Variants in KDM3B observed in about 807,000 individuals in gnomAD.
The protein encoded by KDM3B is lysine demethylase 3B, also known as lysine-specific demethylase 3B.
A neutral mutation model predicts 170.0 loss-of-function variants in KDM3B; 10 were observed. The ratio of observed to expected loss-of-function variants is 0.06; its 90% confidence interval spans 0.04 to 0.10. The LOEUF (loss-of-function observed/expected upper bound fraction) is 0.10, where lower values mean the gene tolerates loss of function less well. Ranked by LOEUF, KDM3B falls within the 10% of genes least tolerant of loss-of-function variation. The pLI, the probability that KDM3B is intolerant of heterozygous loss-of-function variation, is 1.00. For synonymous variants in KDM3B, 831 were observed against 834.8 expected (o/e 1.00, Z 0.08); for missense variants, 1,394 against 2,195.2 (o/e 0.64, Z 7.29).
At chr5:138,408,422 A>G (rs919546691) in intron 11 of KDM3B, among the ~76,000 whole-genome samples, 2 of 151,002 alleles carry the variant, frequency 1.3e-5, no homozygotes, top group South Asian at 4.2e-4. Flanking sequence ...TTGAATTTGT[A>G]GTTTCAAAAA....
chr5:138,401,069 G>A (rs1200220611), intron 11 of KDM3B, among the ~76,000 whole-genome samples: 1 of 151,878 alleles, frequency 6.6e-6, no homozygotes, highest in Non-Finnish European at 1.5e-5. Context: ...TCAGGAGTTC[G>A]AGACCAGCCT....
At chr5:138,368,696 G>T (rs1366661670) in intron 1 of KDM3B, among the ~76,000 whole-genome samples, 1 of 151,970 alleles carries the variant, frequency 6.6e-6, no homozygotes, top group Non-Finnish European at 1.5e-5. Context: ...ATTCCATATT[G>T]CTCTCAAAAC....
intron 23 of KDM3B, among the ~76,000 whole-genome samples, chr5:138,432,441 G>A (rs1176862175): frequency 3.3e-5 from 5 of 152,074 alleles, no homozygotes; most frequent in Non-Finnish European, 5.9e-5. Flanking sequence ...AGGGCTGGGC[G>A]GGTGGATCAT....
chr5:138,393,165 C>T lies in KDM3B; in HGVS notation c.2630-6C>T, dbSNP rs747775353. On this transcript the variant is annotated splice_polypyrimidine_tract_variant and splice_region_variant and intron_variant, in intron 8 of 23. Transcript: ENST00000314358. Reference sequence around the variant, plus strand: ...ACAAACTTTTCTTCTCTCCCCCTTGCCACAGTTGGCCAGTCAGTGCTGAAA... The same window carrying T: ...ACAAACTTTTCTTCTCTCCCCCTTGTCACAGTTGGCCAGTCAGTGCTGAAA... 2.5e-6 allele frequency: 4 copies of T among 1,613,576 alleles called. No individual in the cohort carries two copies. The highest frequency in any genetic ancestry group is 2.7e-5 in the African/African-American group (2 of 75,044).
chr5:138,422,499 G>T (rs1230247858), intron 15 of KDM3B, among the ~76,000 whole-genome samples: 1 of 152,030 alleles, frequency 6.6e-6, no homozygotes, highest in Non-Finnish European at 1.5e-5. Context: ...AATTAGCCAG[G>T]CATGATGGCA....
At chr5:138,397,853 T>G (rs1383966891) in intron 9 of KDM3B, 1 of 174,510 alleles carries the variant, frequency 5.7e-6, no homozygotes, top group African/African-American at 2.4e-5. Flanking sequence ...AGAGCAAGAC[T>G]CTGTCTTAAA....
At chr5:138,404,986 C>T (rs555258188) in intron 11 of KDM3B, among the ~76,000 whole-genome samples, 2 of 151,818 alleles carry the variant, frequency 1.3e-5, no homozygotes, top group Middle Eastern at 3.5e-3. Flanking sequence ...GGTGATCTGC[C>T]CATCTCAGCC....
chr5:138,390,748 G>A (rs1329882753), intron 7 of KDM3B, among the ~76,000 whole-genome samples: 1 of 152,126 alleles, frequency 6.6e-6, no homozygotes, highest in Non-Finnish European at 1.5e-5. Context: ...CGACCAATTG[G>A]ATAACAACCA....
intron 23 of KDM3B, among the ~76,000 whole-genome samples, chr5:138,434,164 G>A (rs1295543062): frequency 6.6e-6 from 1 of 152,178 alleles, no homozygotes; most frequent in African/African-American, 2.4e-5. Context: ...GCTGAGGTGG[G>A]AGGATTACTT....
In KDM3B at chr5:138,386,601, C is replaced by A; in HGVS notation, c.1360C>A (p.Arg454=). The A allele has an allele frequency of 6.2e-7, 1 of 1,612,432 alleles. No individual in the cohort carries two copies. The highest frequency in any genetic ancestry group is 8.5e-7 in the Non-Finnish European group (1 of 1,178,574). ...TGTGCCAGAAAAACAGAAAGGCAGC[C>A]GGTCGCAGGCCTCGGGAGAGGTGAG... ...GTVPEKQKGS[R]SQASGENSRN... is the part of the protein sequence containing the mutation. Residue 454 remains arginine, a synonymous_variant, in exon 7 of 24, where the codon CGG becomes AGG. Transcript: ENST00000314358.
chr5:138,382,344 C>T (rs1021210217), intron 6 of KDM3B, among the ~76,000 whole-genome samples: 8 of 151,692 alleles, frequency 5.3e-5, no homozygotes, highest in East Asian at 3.9e-4. Flanking sequence ...CCCAGCTACT[C>T]GGGAGGCCGA....
intron 1 of KDM3B, among the ~76,000 whole-genome samples, chr5:138,370,578 A>T (rs1761848350): frequency 6.6e-6 from 1 of 152,170 alleles, no homozygotes; most frequent in Non-Finnish European, 1.5e-5. Flanking sequence ...AAATTTTATT[A>T]AGTTTTTAAT....
chr5:138,404,638 A>G (rs1045616874), intron 11 of KDM3B, among the ~76,000 whole-genome samples: 1 of 151,954 alleles, frequency 6.6e-6, no homozygotes, highest in Non-Finnish European at 1.5e-5. Flanking sequence ...AAAAAAAAAA[A>G]ACAAAAGAAT....
At chr5:138,355,427 T>G (rs1382319618) in intron 1 of KDM3B, among the ~76,000 whole-genome samples, 1 of 152,226 alleles carries the variant, frequency 6.6e-6, no homozygotes, top group Non-Finnish European at 1.5e-5. Context: ...AAGTGCTACC[T>G]TAAGGTGAGA....
chr5:138,372,597 G>A, intron 1 of KDM3B, 77 bp from the exon 2 acceptor site: 1 of 1,219,962 alleles, frequency 8.2e-7, no homozygotes, highest in East Asian at 2.4e-5. Flanking sequence ...TCAAAACAGT[G>A]GGGTTTATGT....
In KDM3B at chr5:138,371,559, T is replaced by G. The variant is rs545766733; in HGVS notation, c.193-1115T>G. On this transcript the variant is annotated intron_variant, in intron 1 of 23. Transcript: ENST00000314358. ...AGAGCTGTATAAATACAGTGCCTAC[T>G]TAAGTATATTTCAAGAAGTGGAGTA... Among the ~76,000 whole-genome samples, 5 of 152,274 alleles carry G rather than the reference T, an allele frequency of 3.3e-5. No individual in the cohort carries two copies. In the East Asian group the frequency reaches 9.7e-4, roughly 29 times the overall value.
At chr5:138,431,661 C>G (rs1763534740) in intron 23 of KDM3B, 102 bp downstream of exon 23, 1 of 1,074,800 alleles carries the variant, frequency 9.3e-7, no homozygotes, top group Non-Finnish European at 1.3e-6. Flanking sequence ...CTCCGAAGGT[C>G]TAATTGTGGA....
intron 17 of KDM3B, 94 bp from the exon 18 acceptor site, chr5:138,426,870 AAAAAAAAAAAG>A: frequency 1.3e-6 from 1 of 794,098 alleles, no homozygotes. Flanking sequence ...CTCAAAAAAA[AAAAAAAAAAAG>A]AAAAAAAAGA....
At chr5:138,374,642 T>A (rs1398408642) in intron 2 of KDM3B, among the ~76,000 whole-genome samples, 1 of 152,228 alleles carries the variant, frequency 6.6e-6, no homozygotes, top group East Asian at 1.9e-4. Context: ...TCTTCATGAC[T>A]TTTTTATAGG....
Sources: gnomAD v4.1 joint callset for allele counts (sites outside exome capture counted in the v4.1 genomes callset) on GRCh38, gnomAD v4.1.1 for gene constraint, MANE v1.5 for transcripts, NCBI Gene and HGNC (gene_info 2026-07-23, HGNC 2026-07-21) for gene names.